Variants in FMNL2 observed in about 807,000 individuals in gnomAD.
The protein encoded by FMNL2 is formin like 2, also known as formin-like protein 2.
Under a neutral mutation model 130.2 loss-of-function variants are expected in FMNL2, and 51 were observed. The observed-to-expected ratio is 0.39, with a 90% CI of 0.31 to 0.49. The LOEUF is 0.49. FMNL2 is among the 20% of genes least tolerant of loss of function. The pLI is 0.85. For missense variants in FMNL2, 977 were observed against 1,316.2 expected (o/e 0.74, Z 3.99); for synonymous variants, 465 against 467.1 (o/e 1.00, Z 0.06).
At chr2:152,442,019 T>C (rs1011926103) in intron 1 of FMNL2, among the ~76,000 whole-genome samples, 2 of 151,996 alleles carry the variant, frequency 1.3e-5, no homozygotes, top group Admixed American at 1.3e-4. Flanking sequence ...AGGGGAGTTT[T>C]TTGTGTTAAA....
intron 7 of FMNL2, among the ~76,000 whole-genome samples, chr2:152,577,831 G>C (rs1696560707): frequency 6.6e-6 from 1 of 152,190 alleles, no homozygotes; most frequent in Admixed American, 6.5e-5. Context: ...GAATGAGCAG[G>C]AAGTGAGGAT....
chr2:152,596,096 G>T (rs1342198257), intron 9 of FMNL2, among the ~76,000 whole-genome samples: 1 of 151,334 alleles, frequency 6.6e-6, no homozygotes, highest in African/African-American at 2.4e-5. Context: ...CAGAACGGCT[G>T]GGATTATAGG....
chr2:152,492,775 G>A (rs1372840509), intron 1 of FMNL2, among the ~76,000 whole-genome samples: 3 of 152,062 alleles, frequency 2.0e-5, no homozygotes, highest in African/African-American at 7.2e-5. Flanking sequence ...ATCGGTTATC[G>A]TTCCTCTACT....
intron 1 of FMNL2, among the ~76,000 whole-genome samples, chr2:152,477,968 G>T (rs1273083334): frequency 6.6e-6 from 1 of 151,860 alleles, no homozygotes; most frequent in Middle Eastern, 3.4e-3. Context: ...CAAGCTTCTG[G>T]CACCGAGAGC....
chr2:152,624,912 G>A (rs1040395482), intron 15 of FMNL2, among the ~76,000 whole-genome samples: 3 of 152,066 alleles, frequency 2.0e-5, no homozygotes, highest in Admixed American at 6.5e-5. Flanking sequence ...CTTCATTATC[G>A]GAATCACCCA....
At chr2:152,376,798 G>A (rs1459170237) in intron 1 of FMNL2, among the ~76,000 whole-genome samples, 2 of 152,166 alleles carry the variant, frequency 1.3e-5, no homozygotes, top group East Asian at 3.8e-4. Flanking sequence ...AACCCACCTT[G>A]TCATTGCTTT....
chr2:152,444,203 G>A (rs1027290478), intron 1 of FMNL2, among the ~76,000 whole-genome samples: 2 of 152,180 alleles, frequency 1.3e-5, no homozygotes, highest in East Asian at 3.9e-4. Context: ...TGATGATGAT[G>A]ATGGAAGAGA....
intron 1 of FMNL2, among the ~76,000 whole-genome samples, chr2:152,429,510 A>G (rs968225090): frequency 3.9e-5 from 6 of 152,198 alleles, no homozygotes; most frequent in African/African-American, 4.8e-5. Context: ...TAGTATTTCA[A>G]TGTGCCAGCT....
intron 15 of FMNL2, chr2:152,621,165 C>G: frequency 2.0e-6 from 2 of 981,566 alleles, no homozygotes; most frequent in Non-Finnish European, 2.4e-6. Flanking sequence ...CTTGGTAGCC[C>G]CCAAGGCGCA....
At chr2:152,610,764 T>C (rs1371944990) in intron 10 of FMNL2, among the ~76,000 whole-genome samples, 1 of 152,254 alleles carries the variant, frequency 6.6e-6, no homozygotes, top group South Asian at 2.1e-4. Context: ...TAAAGATTTT[T>C]ATGTGGACGT....
intron 1 of FMNL2, 82 bp downstream of exon 1, chr2:152,335,802 C>G: frequency 1.9e-6 from 2 of 1,053,060 alleles, no homozygotes; most frequent in Non-Finnish European, 2.6e-6. Flanking sequence ...CTCCCCTTCA[C>G]CCCGTGCCGG....
chr2:152,589,940 C>CATATATATATATATATAT (rs771625998), intron 9 of FMNL2, among the ~76,000 whole-genome samples: 1 of 67,038 alleles, frequency 1.5e-5, no homozygotes, highest in Non-Finnish European at 2.8e-5. Flanking sequence ...TGGCTTTATA[C>CATATATATATATATATAT]ATATATATAT....
chr2:152,619,758 A>C (rs763700363), intron 15 of FMNL2, 40 bp downstream of exon 15: 1 of 1,585,026 alleles, frequency 6.3e-7, no homozygotes, highest in Non-Finnish European at 8.6e-7. Flanking sequence ...TCATATCAGA[A>C]ATGCTGTCTT....
At chr2:152,526,025 A>C (rs1693367521) in intron 2 of FMNL2, among the ~76,000 whole-genome samples, 1 of 152,236 alleles carries the variant, frequency 6.6e-6, no homozygotes, top group East Asian at 1.9e-4. Flanking sequence ...CCAATTTGCC[A>C]TTGGAATTAA....
At chr2:152,500,503 A>G (rs866275922) in intron 1 of FMNL2, among the ~76,000 whole-genome samples, 1 of 152,178 alleles carries the variant, frequency 6.6e-6, no homozygotes, top group African/African-American at 2.4e-5. Context: ...TGTCAACCGC[A>G]GCAAATAGAT....
chr2:152,390,078 G>A, intron 1 of FMNL2: 1 of 1,515,970 alleles, frequency 6.6e-7, no homozygotes, highest in Non-Finnish European at 9.2e-7. Context: ...AGGAAAGCAG[G>A]AGAAGAAGGA....
At chr2:152,543,653 T>G (rs563309383) in intron 3 of FMNL2, among the ~76,000 whole-genome samples, 1 of 150,462 alleles carries the variant, frequency 6.6e-6, no homozygotes, top group Non-Finnish European at 1.5e-5. Flanking sequence ...GGGCTCTTGA[T>G]GCTTGCATTA....
chr2:152,529,181 C>G (rs1185626552), intron 2 of FMNL2, among the ~76,000 whole-genome samples: 1 of 152,088 alleles, frequency 6.6e-6, no homozygotes. Context: ...TATTCATTGA[C>G]TAGGCATTTA....
In FMNL2 at chr2:152,647,944, A is replaced by T; in HGVS notation, c.*39A>T. 1 of 1,504,496 alleles carries T rather than the reference A, an allele frequency of 6.6e-7. No homozygotes were observed. The highest frequency in any genetic ancestry group is 9.1e-7 in the Non-Finnish European group (1 of 1,100,058). 93.2% of individuals were successfully genotyped at this position (1,504,496 alleles called of 1,614,324 possible). ...CTGCATGAATACAGGGTGTGCGTGA[A>T]TGAAACTGCCCACATGAACTTTATG... On this transcript the variant is annotated 3_prime_UTR_variant, in exon 26 of 26. Transcript: ENST00000288670.
Sources: gnomAD v4.1 joint callset for allele counts (sites outside exome capture counted in the v4.1 genomes callset) on GRCh38, gnomAD v4.1.1 for gene constraint, MANE v1.5 for transcripts, NCBI Gene and HGNC (gene_info 2026-07-23, HGNC 2026-07-21) for gene names.